PAAF1: variants seen among roughly 807,000 people sequenced by gnomAD.
The protein encoded by PAAF1 is proteasomal ATPase-associated factor 1.
In PAAF1, 46 loss-of-function variants were observed where a neutral mutation model predicts 52.8. The observed-to-expected ratio is 0.87, with a 90% CI of 0.69 to 1.11. The LOEUF is 1.11. PAAF1 is among the 50% of genes most tolerant of loss of function. The probability of loss-of-function intolerance (pLI) is 0.00; values close to 1 mark genes in which losing one functional copy is unlikely to be tolerated. For synonymous variants in PAAF1, 178 were observed against 172.8 expected, an observed-to-expected ratio of 1.03 and a Z score of -0.24; for missense variants, 424 against 477.4, an observed-to-expected ratio of 0.89 and a Z score of 1.04.
At chr11:73,904,404 T>G (rs1310513280) in intron 6 of PAAF1, among the ~76,000 whole-genome samples, 1 of 152,194 alleles carries the variant, frequency 6.6e-6, no homozygotes, top group African/African-American at 2.4e-5. Flanking sequence ...GCATTACATC[T>G]TTCATAATCA....
chr11:73,908,650 C>G (rs1949843850), intron 6 of PAAF1, among the ~76,000 whole-genome samples: 1 of 152,088 alleles, frequency 6.6e-6, no homozygotes. Flanking sequence ...TCTCCTGCCT[C>G]AGCCTCCCAA....
intron 6 of PAAF1, among the ~76,000 whole-genome samples, chr11:73,905,974 G>T (rs905883142): frequency 6.6e-6 from 1 of 152,106 alleles, no homozygotes; most frequent in Non-Finnish European, 1.5e-5. Flanking sequence ...GATTCCTTAG[G>T]ATTCTTAAAA....
At chr11:73,908,381 A>G (rs1029249866) in intron 6 of PAAF1, among the ~76,000 whole-genome samples, 12 of 136,956 alleles carry the variant, frequency 8.8e-5, no homozygotes, top group Non-Finnish European at 1.4e-4. Flanking sequence ...ATGTATATAT[A>G]TGTGTGTATA....
At chr11:73,888,026 G>A (rs1949108515) in intron 3 of PAAF1, among the ~76,000 whole-genome samples, 1 of 152,164 alleles carries the variant, frequency 6.6e-6, no homozygotes, top group African/African-American at 2.4e-5. Context: ...GAGATTACAG[G>A]CGTGAGCTAC....
rs541735261 is a variant in PAAF1, at chr11:73,877,754, T to C, written c.47+686T>C. 2.6e-5 allele frequency among the ~76,000 whole-genome samples: 4 copies of C among 152,088 alleles called. No individual in the cohort carries two copies. The South Asian group carries it at 8.3e-4, about 32-fold the overall frequency. ...TACAGAAATTAGTCGGGCTTGGTGG[T>C]GGGCGCCTATAATCCCAGCTACTCG... On this transcript the variant is annotated intron_variant, in intron 1 of 11. Transcript: ENST00000310571.
chr11:73,898,106 A>G (rs1411455801), intron 4 of PAAF1, among the ~76,000 whole-genome samples: 1 of 148,862 alleles, frequency 6.7e-6, no homozygotes, highest in African/African-American at 2.5e-5. Context: ...TCAGGCAGGG[A>G]GGTTGCAGTG....
Position 73,926,167 on chromosome 11 carries a change from C to T in PAAF1, c.1102-1118C>T, listed in dbSNP as rs572931975. On this transcript the variant is annotated intron_variant, in intron 11 of 11. Coordinates refer to ENST00000310571, the MANE Select transcript of PAAF1 (RefSeq NM_025155.3). ...TGTTGCCCAGGCTGGAGTGCAATGG[C>T]GCGATCTCAGCCCACAGCAACCTCC... Among the ~76,000 whole-genome samples the T allele has an allele frequency of 4.5e-4, 69 of 151,858 alleles. 1 individual carries two copies. In the South Asian group the frequency reaches 0.013, roughly 28 times the overall value.
intron 2 of PAAF1, among the ~76,000 whole-genome samples, chr11:73,885,080 C>T (rs1411504816): frequency 2.0e-5 from 3 of 151,416 alleles, no homozygotes; most frequent in Admixed American, 1.3e-4. Context: ...GGGATGGTCT[C>T]GATCTCCTGA....
chr11:73,899,336 T>C (rs1949526711), intron 5 of PAAF1, 92 bp downstream of exon 5: 1 of 847,694 alleles, frequency 1.2e-6, no homozygotes, highest in Admixed American at 2.2e-5. Context: ...TGGCCCATTC[T>C]AAAAATGTGG....
intron 9 of PAAF1, among the ~76,000 whole-genome samples, chr11:73,917,734 T>C (rs1246677407): frequency 6.6e-6 from 1 of 152,166 alleles, no homozygotes; most frequent in African/African-American, 2.4e-5. Flanking sequence ...TAGCTGGGCA[T>C]GGTGGCACGT....
At chr11:73,887,999 C>T (rs1485260646) in intron 3 of PAAF1, among the ~76,000 whole-genome samples, 2 of 152,138 alleles carry the variant, frequency 1.3e-5, no homozygotes, top group East Asian at 1.9e-4. Flanking sequence ...CCACCTGTCT[C>T]GGCCTCCCAA....
intron 7 of PAAF1, among the ~76,000 whole-genome samples, chr11:73,910,773 A>C (rs867031662): frequency 2.0e-5 from 3 of 151,996 alleles, no homozygotes; most frequent in Non-Finnish European, 4.4e-5. Context: ...GGCGATTCAC[A>C]AGGTCAGGAG....
intron 3 of PAAF1, among the ~76,000 whole-genome samples, chr11:73,887,983 C>T (rs148537189): frequency 5.3e-4 from 80 of 152,190 alleles, no homozygotes; most frequent in African/African-American, 1.8e-3. Flanking sequence ...CTCCTGACCT[C>T]GTGATCCACC....
At chr11:73,877,118 C>T (rs1181661570) in intron 1 of PAAF1, 50 bp downstream of exon 1, 2 of 1,479,364 alleles carry the variant, frequency 1.4e-6, no homozygotes, top group African/African-American at 1.4e-5. Flanking sequence ...GTGGATGTTG[C>T]TTTGCGTCAA....
At chr11:73,918,363 T>C (rs796353778) in intron 9 of PAAF1, among the ~76,000 whole-genome samples, 6,245 of 122,340 alleles carry the variant, frequency 0.051, 149 homozygotes, top group Non-Finnish European at 0.076. Flanking sequence ...TTTTTTTTTT[T>C]TTTTTTTTTT....
chr11:73,911,897 G>A (rs1280237742), intron 7 of PAAF1, among the ~76,000 whole-genome samples: 3 of 152,088 alleles, frequency 2.0e-5, no homozygotes, highest in Non-Finnish European at 4.4e-5. Flanking sequence ...GCCTCCCAAA[G>A]TGCTGGGCTT....
intron 2 of PAAF1, among the ~76,000 whole-genome samples, chr11:73,886,212 G>A (rs1949052750): frequency 2.0e-5 from 3 of 152,078 alleles, no homozygotes; most frequent in African/African-American, 7.2e-5. Flanking sequence ...TATGTATTAT[G>A]TGTATATACT....
Position 73,929,756 on chromosome 11 carries a change from G to C in PAAF1, c.*2394G>C, listed in dbSNP as rs1950429190. The C allele has an allele frequency of 6.6e-6, 1 of 152,264 alleles. No individual in the cohort carries two copies. Among genetic ancestry groups the C allele is most frequent in the African/African-American group, 2.4e-5 (1 of 41,452 alleles). 9.4% of individuals were successfully genotyped at this position (152,264 alleles called of 1,614,324 possible). A position where few individuals can be genotyped will look rare whatever the true frequency, so the allele number is the denominator to read the frequency against. On this transcript the variant is annotated 3_prime_UTR_variant, in exon 12 of 12. Transcript: ENST00000310571. ...TCCAGGTGGAACATCTAAGAAGTCA[G>C]ATTAAGAAAACAGGATGAGGCTGGG...
intron 2 of PAAF1, 54 bp from the exon 3 acceptor site, chr11:73,887,299 GA>G: frequency 1.4e-6 from 2 of 1,395,336 alleles, no homozygotes; most frequent in Non-Finnish European, 2.0e-6. Context: ...TCTTCAAAGA[GA>G]AAAATAATAA....
Sources: gnomAD v4.1 joint callset for allele counts (sites outside exome capture counted in the v4.1 genomes callset) on GRCh38, gnomAD v4.1.1 for gene constraint, MANE v1.5 for transcripts, NCBI Gene and HGNC (gene_info 2026-07-23, HGNC 2026-07-21) for gene names.